The following ONECUT2 variants were observed in gnomAD, a reference collection of about 807,000 sequenced individuals.
ONECUT2 encodes the protein one cut domain family member 2.
Under a neutral mutation model 27.9 loss-of-function variants are expected in ONECUT2, and 10 were observed. The observed-to-expected ratio is 0.36, with a 90% CI of 0.22 to 0.61. The LOEUF is 0.61. ONECUT2 is among the 20% of genes least tolerant of loss of function. ONECUT2 has a pLI of 0.73. For synonymous variants in ONECUT2, 334 were observed against 315.1 expected (o/e 1.06, Z -0.64); for missense variants, 686 against 721.0 (o/e 0.95, Z 0.56).
chr18:57,483,176 C>G lies in ONECUT2; in HGVS notation c.*6453C>G, dbSNP rs143945326. 2.5e-4 allele frequency: 38 copies of G among 151,680 alleles called. No individual in the cohort carries two copies. The highest frequency in any genetic ancestry group is 9.0e-4 in the African/African-American group (37 of 41,248). The allele number at this position is 151,680 out of a possible 1,614,324, so 9.4% of individuals were successfully genotyped here. The stretch of plus-strand genomic sequence containing the variant: ...GAAGAAAAAATAATAAAGTCAAGCG[C>G]AAACTGATGGGGAGACAGTGGGCTC... On this transcript the variant is annotated 3_prime_UTR_variant, in exon 2 of 2. Transcript: ENST00000491143.
chr18:57,464,009 C>G (rs906688180), intron 1 of ONECUT2, among the ~76,000 whole-genome samples: 6 of 151,766 alleles, frequency 4.0e-5, no homozygotes, highest in African/African-American at 1.2e-4. Flanking sequence ...AAAAAAGTCC[C>G]TCATATTAAC....
At position 57,436,244 on chromosome 18, in the gene ONECUT2, GCACCACCACCACCAC is replaced by G. The variant is rs747773399; in HGVS notation, c.540_554del (p.His180_His184del). The G allele has an allele frequency of 2.5e-6, 4 of 1,591,108 alleles. No homozygotes were observed. In the African/African-American group the frequency reaches 4.0e-5, roughly 16 times the overall value. On this transcript the variant is annotated inframe_deletion, in exon 1 of 2. Transcript: ENST00000491143. The surrounding 1 kb of genome is among the most constrained non-coding windows in gnomAD (Gnocchi z 5.9). ...ACCACCCTCACCCGCACCACCATCCGCACCACCACCACCACCACCACCACCAGCGCCTGTCCGGCA... is the reference window on the plus strand; with the variant it reads ...ACCACCCTCACCCGCACCACCATCCGCACCACCACCAGCGCCTGTCCGGCA...
intron 1 of ONECUT2, among the ~76,000 whole-genome samples, chr18:57,474,293 G>C (rs970903418): frequency 2.6e-5 from 4 of 152,204 alleles, no homozygotes; most frequent in African/African-American, 9.6e-5. Context: ...AGGGCAGCCA[G>C]TTAGGTAGAA....
At chr18:57,443,025 ACTTCT>A (rs1376604975) in intron 1 of ONECUT2, among the ~76,000 whole-genome samples, 2 of 152,118 alleles carry the variant, frequency 1.3e-5, no homozygotes, top group African/African-American at 4.8e-5. Flanking sequence ...GCCTTTAGAC[ACTTCT>A]CTTCAAAGAA....
chr18:57,449,946 C>T (rs1386612157), intron 1 of ONECUT2, among the ~76,000 whole-genome samples: 1 of 152,180 alleles, frequency 6.6e-6, no homozygotes, highest in Non-Finnish European at 1.5e-5. Flanking sequence ...TTCTGTGTCT[C>T]CCTTTCTTCC....
chr18:57,471,910 T>C (rs577858061), intron 1 of ONECUT2, among the ~76,000 whole-genome samples: 6 of 123,232 alleles, frequency 4.9e-5, no homozygotes, highest in African/African-American at 1.5e-4. Flanking sequence ...GTCTGAGGGC[T>C]TTTGGGATCT....
At position 57,436,288 on chromosome 18, in the gene ONECUT2, T is replaced by A. The variant is rs376295030; in HGVS notation, c.572T>A (p.Val191Asp). 1.2e-6 allele frequency: 2 copies of A among 1,604,138 alleles called. No individual in the cohort carries two copies. The highest frequency in any genetic ancestry group is 2.7e-5 in the African/African-American group (2 of 74,926). ...CACCACCAGCGCCTGTCCGGCAACGTCAGCGGCAGCTTCACCCTCATGCGC... is the reference window on the plus strand; with the variant it reads ...CACCACCAGCGCCTGTCCGGCAACGACAGCGGCAGCTTCACCCTCATGCGC... ...HHHHQRLSGN[V>D]SGSFTLMRDE... Residue 191 changes from valine (V) to aspartate (D), a missense_variant, in exon 1 of 2, where the codon GTC (valine) becomes GAC (aspartate). This residue lies in a region of ONECUT2 where 511 missense variants were observed against 488.1 expected (regional missense o/e 1.05). Coordinates refer to ENST00000491143, the MANE Select transcript of ONECUT2 (RefSeq NM_004852.3). This position sits in a 1 kb window ranked among gnomAD's most constrained non-coding sequence, Gnocchi z 5.9.
rs115372949 is a variant in ONECUT2, at chr18:57,436,076, G to A, written c.360G>A (p.Arg120=). The A allele has an allele frequency of 3.4e-3, 5,500 of 1,597,586 alleles. 173 individuals carry two copies. The African/African-American group carries it at 0.064, about 19-fold the overall frequency. The part of the protein sequence containing the change: ...MASILDGGDY[R]PELSIPLHHA... ...CGATCCTGGACGGCGGCGACTACCG[G>A]CCCGAGCTCTCCATCCCGCTGCACC... Residue 120 remains arginine (R), a synonymous_variant, in exon 1 of 2, where the codon CGG becomes CGA. Coordinates refer to ENST00000491143, the MANE Select transcript of ONECUT2 (RefSeq NM_004852.3). The surrounding 1 kb of genome is among the most constrained non-coding windows in gnomAD (Gnocchi z 5.9).
At chr18:57,442,018 A>G (rs2050177501) in intron 1 of ONECUT2, among the ~76,000 whole-genome samples, 1 of 138,302 alleles carries the variant, frequency 7.2e-6, no homozygotes, top group Non-Finnish European at 1.6e-5. Flanking sequence ...TCACTGGCCC[A>G]TCGCGGGTAA....
rs931342174 is a variant in ONECUT2, at chr18:57,482,622, T to G, written c.*5899T>G. 6.6e-6 allele frequency: 1 copy of G among 152,230 alleles called. No homozygotes were observed. The highest frequency in any genetic ancestry group is 6.5e-5 in the Admixed American group (1 of 15,286). 9.4% of individuals were successfully genotyped at this position (152,230 alleles called of 1,614,324 possible). A position where few individuals can be genotyped will look rare whatever the true frequency, so the allele number is the denominator to read the frequency against. On this transcript the variant is annotated 3_prime_UTR_variant, in exon 2 of 2. Coordinates refer to ENST00000491143, the MANE Select transcript of ONECUT2 (RefSeq NM_004852.3). ...CAAGCATTTCATGTAGCATAAACCT[T>G]GGCAGATAAGTGTGCCTAAGGTTTA...
intron 1 of ONECUT2, among the ~76,000 whole-genome samples, chr18:57,455,541 T>C (rs1226433876): frequency 2.6e-5 from 4 of 152,196 alleles, no homozygotes; most frequent in Non-Finnish European, 5.9e-5. Flanking sequence ...GGTGATTCAT[T>C]ACTCTCTCCT....
Position 57,454,361 on chromosome 18 carries a change from G to A in ONECUT2, c.1228+17417G>A, listed in dbSNP as rs150020814. ...GGCCTGAGTCACCAATGTTCCCATA[G>A]CTTTTATATATTAAGAATATTGCTT... is the stretch of plus-strand genomic sequence containing the variant. On this transcript the variant is annotated intron_variant, in intron 1 of 1. Transcript: ENST00000491143. Among the ~76,000 whole-genome samples the A allele has an allele frequency of 7.7e-4, 117 of 152,232 alleles. No individual in the cohort carries two copies. The East Asian group carries it at 0.019, about 24-fold the overall frequency.
At chr18:57,461,101 C>T (rs1015311917) in intron 1 of ONECUT2, among the ~76,000 whole-genome samples, 24 of 151,254 alleles carry the variant, frequency 1.6e-4, no homozygotes, top group Admixed American at 7.9e-4. Context: ...TTTTCTGTTG[C>T]GTTTTGGTTT....
In ONECUT2 at chr18:57,484,890, T is replaced by C. The variant is rs1280747870; in HGVS notation, c.*8167T>C. On this transcript the variant is annotated 3_prime_UTR_variant, in exon 2 of 2. Transcript: ENST00000491143. ...GACAAATAGGATGGTGGCAATCCTT[T>C]AGCAATGAGCAGGGACTGGGGTTTA... The C allele has an allele frequency of 1.3e-5, 2 of 152,188 alleles. No homozygotes were observed. The highest frequency in any genetic ancestry group is 4.8e-5 in the African/African-American group (2 of 41,442). 9.4% of individuals were successfully genotyped at this position (152,188 alleles called of 1,614,324 possible). A position where few individuals can be genotyped will look rare whatever the true frequency, so the allele number is the denominator to read the frequency against.
At position 57,449,803 on chromosome 18, in the gene ONECUT2, C is replaced by T. The variant is rs564711641; in HGVS notation, c.1228+12859C>T. Among the ~76,000 whole-genome samples, 40 of 152,374 alleles carry T rather than the reference C, an allele frequency of 2.6e-4. 1 individual carries two copies. The Middle Eastern group carries it at 0.01, about 39-fold the overall frequency. ...CAGGTCCTATCATTCCTAGCCACCT[C>T]CGATCTGCCTCTGAAATCTTCCCAG... is the stretch of plus-strand genomic sequence containing the variant. On this transcript the variant is annotated intron_variant, in intron 1 of 1. Coordinates refer to ENST00000491143, the MANE Select transcript of ONECUT2 (RefSeq NM_004852.3).
chr18:57,437,656 G>A (rs974649314), intron 1 of ONECUT2, among the ~76,000 whole-genome samples: 2 of 152,228 alleles, frequency 1.3e-5, no homozygotes, highest in Non-Finnish European at 2.9e-5. Flanking sequence ...CCTACAGCGA[G>A]GGCAGGGTGT....
At position 57,478,061 on chromosome 18, in the gene ONECUT2, C is replaced by T. The variant is rs755820988; in HGVS notation, c.*1338C>T. 10 of 152,608 alleles carry T rather than the reference C, an allele frequency of 6.6e-5. No individual in the cohort carries two copies. The highest frequency in any genetic ancestry group is 1.3e-4 in the Non-Finnish European group (9 of 68,034). 9.5% of individuals were successfully genotyped at this position (152,608 alleles called of 1,614,324 possible). A position where few individuals can be genotyped will look rare whatever the true frequency, so the allele number is the denominator to read the frequency against. On this transcript the variant is annotated 3_prime_UTR_variant, in exon 2 of 2. Transcript: ENST00000491143. ...CTTGTCATTTTCTAGCCTAAAAATA[C>T]TGTGATTACTTTTAGAAATCAGAAA... is the stretch of plus-strand genomic sequence containing the variant.
chr18:57,460,974 C>G (rs192783795), intron 1 of ONECUT2, among the ~76,000 whole-genome samples: 1 of 152,200 alleles, frequency 6.6e-6, no homozygotes, highest in African/African-American at 2.4e-5. Flanking sequence ...TGAGCCACCA[C>G]GCCTGGACCC....
intron 1 of ONECUT2, among the ~76,000 whole-genome samples, chr18:57,458,580 C>T (rs1419454257): frequency 1.3e-5 from 2 of 152,132 alleles, no homozygotes; most frequent in Admixed American, 1.3e-4. Context: ...GCATAGTGTC[C>T]TATGGCATGA....
Sources: allele counts gnomAD v4.1 joint callset (sites outside exome capture counted in the v4.1 genomes callset), GRCh38; gene constraint gnomAD v4.1.1; regional missense constraint gnomAD v4.1.1; non-coding constraint Gnocchi (gnomAD v3.1); transcripts MANE v1.5; gene names NCBI Gene and HGNC (gene_info 2026-07-23, HGNC 2026-07-21).